Variants in FER1L6 observed in about 807,000 individuals in gnomAD.
FER1L6 encodes fer-1 like family member 6, also known as fer-1-like protein 6.
A neutral mutation model predicts 219.2 loss-of-function variants in FER1L6; 177 were observed. The ratio of observed to expected loss-of-function variants is 0.81; its 90% CI spans 0.71 to 0.91. The LOEUF (loss-of-function observed/expected upper bound fraction) is 0.91, where lower values mean the gene tolerates loss of function less well. Ranked by LOEUF, FER1L6 falls within the 40% of genes least tolerant of loss-of-function variation. The probability of loss-of-function intolerance (pLI) is 0.00; values close to 1 mark genes in which losing one functional copy is unlikely to be tolerated. For missense variants in FER1L6, 2,153 were observed against 2,259.9 expected, an observed-to-expected ratio of 0.95 and a Z score of 0.96; for synonymous variants, 768 against 824.3, an observed-to-expected ratio of 0.93 and a Z score of 1.17.
intron 1 of FER1L6, among the ~76,000 whole-genome samples, chr8:123,881,736 T>C (rs1175239063): frequency 5.3e-5 from 8 of 152,156 alleles, no homozygotes; most frequent in Non-Finnish European, 1.5e-5. Flanking sequence ...GTCGGCCTCG[T>C]CTTACTGGGG....
intron 21 of FER1L6, 74 bp from the exon 22 acceptor site, chr8:124,049,533 T>C: frequency 3.3e-6 from 5 of 1,493,282 alleles, no homozygotes; most frequent in East Asian, 2.3e-5. Context: ...TTTGTGGAGG[T>C]GATGGCATTG....
intron 20 of FER1L6, among the ~76,000 whole-genome samples, chr8:124,042,687 A>G (rs1268796264): frequency 6.6e-6 from 1 of 152,168 alleles, no homozygotes; most frequent in African/African-American, 2.4e-5. Context: ...AGGAAAGCTG[A>G]ACCTGGGCCC....
chr8:123,859,978 A>AT (rs1471896843), intron 1 of FER1L6, among the ~76,000 whole-genome samples: 10 of 122,794 alleles, frequency 8.1e-5, no homozygotes, highest in Admixed American at 2.5e-4. Flanking sequence ...TACTATTATT[A>AT]TTATTATTTT....
At chr8:123,867,538 G>A (rs555672406) in intron 1 of FER1L6, among the ~76,000 whole-genome samples, 1 of 152,302 alleles carries the variant, frequency 6.6e-6, no homozygotes, top group South Asian at 2.1e-4. Context: ...ATATCTGTGT[G>A]ATGCTGGGCA....
chr8:123,911,121 A>G (rs1284484233), intron 1 of FER1L6, among the ~76,000 whole-genome samples: 1 of 152,136 alleles, frequency 6.6e-6, no homozygotes, highest in Non-Finnish European at 1.5e-5. Flanking sequence ...ATACTTAACT[A>G]TATTGTTTGT....
Position 124,024,498 on chromosome 8 carries a change from GC to G in FER1L6, c.2286+904del, listed in dbSNP as rs1301349636. Among the ~76,000 whole-genome samples the G allele has an allele frequency of 4.6e-5, 7 of 152,094 alleles. No individual in the cohort carries two copies. In the South Asian group the frequency reaches 1.0e-3, roughly 23 times the overall value. On this transcript the variant is annotated intron_variant, in intron 18 of 40. Transcript: ENST00000522917. The stretch of plus-strand genomic sequence containing the variant: ...GTTACTTCACTTAGAATAAGTAATG[GC>G]CTCCAGCTCAATTCAAGTTGCTGCA...
intron 5 of FER1L6, 70 bp downstream of exon 5, chr8:123,966,360 A>G: frequency 6.3e-7 from 1 of 1,585,646 alleles, no homozygotes; most frequent in Non-Finnish European, 8.6e-7. Context: ...AGGATCCTTC[A>G]GTCAAACAAA....
chr8:124,039,583 A>G (rs996529661), intron 19 of FER1L6, among the ~76,000 whole-genome samples: 2 of 152,172 alleles, frequency 1.3e-5, no homozygotes, highest in Non-Finnish European at 1.5e-5. Context: ...GTTGTGGGCC[A>G]TTTTTCCTCA....
chr8:123,905,158 A>G (rs1484599011), intron 1 of FER1L6, among the ~76,000 whole-genome samples: 2 of 152,166 alleles, frequency 1.3e-5, no homozygotes, highest in African/African-American at 4.8e-5. Context: ...ACATGTACCA[A>G]GTTGGTTTGC....
In FER1L6 at chr8:124,103,256, C is replaced by T; in HGVS notation, c.5236C>T (p.Gln1746Ter). 1 of 1,614,048 alleles carries T rather than the reference C, an allele frequency of 6.2e-7. No homozygotes were observed. The highest frequency in any genetic ancestry group is 8.5e-7 in the Non-Finnish European group (1 of 1,179,974). The change falls in exon 39 of 41, where the codon CAG (glutamine) becomes TAG (stop). Residue 1746 changes from glutamine to a stop codon, truncating the protein, a stop_gained. Coordinates refer to ENST00000522917, the MANE Select transcript of FER1L6 (RefSeq NM_001039112.2). LOFTEE classifies it high-confidence loss of function. ...TGAGGAGACCAAGATCTCTATATTC[C>T]AGCAAAAACGTGTGCGTGGCTGGTG... Reference protein sequence around the residue: ...ASEETKISIFQQKRVRGWWPF... With the variant: ...ASEETKISIF
At position 124,103,329 on chromosome 8, in the gene FER1L6, G is replaced by C. The variant is rs1453753701; in HGVS notation, c.5289+20G>C. 4 of 1,604,610 alleles carry C rather than the reference G, an allele frequency of 2.5e-6. No individual in the cohort carries two copies. Among genetic ancestry groups the C allele is most frequent in the Non-Finnish European group, 3.4e-6 (4 of 1,174,416 alleles). On this transcript the variant is annotated intron_variant, in intron 39 of 40. Transcript: ENST00000522917. ...CTCACAGTAAGTGACAGCTATGGGA[G>C]GTGGAGGAGATGGGGGAAGTTGGGG...
chr8:124,035,200 G>A, intron 18 of FER1L6, 77 bp from the exon 19 acceptor site: 1 of 1,458,484 alleles, frequency 6.9e-7, no homozygotes, highest in South Asian at 1.3e-5. Flanking sequence ...TCTCCAGGAA[G>A]GACCTCTTTT....
rs760856454 is a variant in FER1L6 at position 124,101,084 on chromosome 8, A to T, written c.4884-13A>T. The T allele has an allele frequency of 6.2e-7, 1 of 1,612,006 alleles. No homozygotes were observed. Among genetic ancestry groups the T allele is most frequent in the East Asian group, 2.2e-5 (1 of 44,822 alleles). ...TACTCTGAGTGTTTAAATTATTTTG[A>T]ATCTATTTTTAGGTGGTTAAAGGGC... is the stretch of plus-strand genomic sequence containing the variant. On this transcript the variant is annotated splice_polypyrimidine_tract_variant and intron_variant, in intron 37 of 40. Coordinates refer to ENST00000522917, the MANE Select transcript of FER1L6 (RefSeq NM_001039112.2).
At chr8:124,069,863 G>A (rs1456325379) in intron 29 of FER1L6, among the ~76,000 whole-genome samples, 1 of 151,960 alleles carries the variant, frequency 6.6e-6, no homozygotes, top group African/African-American at 2.4e-5. Flanking sequence ...TTAGTTAGAG[G>A]GTATTAGCTA....
chr8:124,117,899 C>T (rs1250725139), intron 39 of FER1L6, among the ~76,000 whole-genome samples: 1 of 152,058 alleles, frequency 6.6e-6, no homozygotes, highest in Non-Finnish European at 1.5e-5. Context: ...AAGTAATGCC[C>T]AGTCCATGTG....
At chr8:123,996,197 A>G (rs1049883307) in intron 12 of FER1L6, among the ~76,000 whole-genome samples, 47 of 152,120 alleles carry the variant, frequency 3.1e-4, no homozygotes, top group Non-Finnish European at 1.0e-4. Context: ...ATTAAGTCCA[A>G]TGTTTTTCTG....
At chr8:124,009,972 C>T (rs369451241) in intron 13 of FER1L6, among the ~76,000 whole-genome samples, 2,013 of 124,076 alleles carry the variant, frequency 0.016, no homozygotes, top group East Asian at 0.067. Flanking sequence ...GCAATGTTGT[C>T]GTAGTTTGAG....
chr8:124,049,168 C>G (rs1328487615), intron 21 of FER1L6, among the ~76,000 whole-genome samples: 2 of 152,254 alleles, frequency 1.3e-5, no homozygotes, highest in East Asian at 3.9e-4. Flanking sequence ...CTGCCTCAGC[C>G]TCCCAAGTAG....
At chr8:124,114,216 C>G (rs1292498175) in intron 39 of FER1L6, among the ~76,000 whole-genome samples, 1 of 151,948 alleles carries the variant, frequency 6.6e-6, no homozygotes, top group African/African-American at 2.4e-5. Flanking sequence ...ATCAGTCACC[C>G]TCCTCCCCCA....
Sources: gnomAD v4.1 joint callset for allele counts (sites outside exome capture counted in the v4.1 genomes callset) on GRCh38, gnomAD v4.1.1 for gene constraint, MANE v1.5 for transcripts, NCBI Gene and HGNC (gene_info 2026-07-23, HGNC 2026-07-21) for gene names.